The following PLEKHG4B variants were observed in gnomAD, a reference collection of about 807,000 sequenced individuals.
PLEKHG4B encodes pleckstrin homology domain-containing family G member 4B.
In PLEKHG4B, 111 loss-of-function variants were observed where a neutral mutation model predicts 121.3. The observed-to-expected ratio is 0.92, with a 90% CI of 0.78 to 1.07. PLEKHG4B has a LOEUF of 1.07. PLEKHG4B is among the 50% of genes least tolerant of loss of function. PLEKHG4B has a pLI of 0.00. For missense variants in PLEKHG4B, 1,831 were observed against 1,757.8 expected (o/e 1.04, Z -0.74); for synonymous variants, 738 against 725.0 (o/e 1.02, Z -0.29).
intron 2 of PLEKHG4B, among the ~76,000 whole-genome samples, chr5:130,229 A>G (rs912600974): frequency 3.9e-5 from 6 of 152,232 alleles, no homozygotes; most frequent in African/African-American, 1.4e-4. Context: ...ACACAAAACA[A>G]AAGCTATTCT....
intron 18 of PLEKHG4B, chr5:179,463 C>G (rs955124666): frequency 2.0e-5 from 3 of 152,628 alleles, no homozygotes; most frequent in Non-Finnish European, 4.4e-5. Context: ...TACTGAAGGA[C>G]CTGGGTGTTT....
At chr5:164,119 C>T (rs150132524) in intron 13 of PLEKHG4B, among the ~76,000 whole-genome samples, 32 of 152,336 alleles carry the variant, frequency 2.1e-4, no homozygotes, top group African/African-American at 5.1e-4. Context: ...TGGAGAATTT[C>T]GTGAGATGCT....
At chr5:124,283 CAT>C (rs1341545600) in intron 2 of PLEKHG4B, among the ~76,000 whole-genome samples, 2 of 152,150 alleles carry the variant, frequency 1.3e-5, no homozygotes, top group Non-Finnish European at 2.9e-5. Context: ...GAAGTTGTCT[CAT>C]GTGTGCACTT....
In PLEKHG4B at chr5:157,261, G is replaced by A. The variant is rs921023176; in HGVS notation, c.2487+350G>A. Among the ~76,000 whole-genome samples the A allele has an allele frequency of 1.3e-5, 2 of 152,026 alleles. No individual in the cohort carries two copies. Among genetic ancestry groups the A allele is most frequent in the South Asian group, 2.1e-4 (1 of 4,812 alleles). The stretch of plus-strand genomic sequence containing the variant: ...ATGCGTACACAGTGACTGAGAAGCC[G>A]AGGTGAAACCGACACAGGTAGAGAG... On this transcript the variant is annotated intron_variant, in intron 11 of 19. Coordinates refer to ENST00000637938, the MANE Select transcript of PLEKHG4B (RefSeq NM_052909.5). This position sits in a 1 kb window ranked among gnomAD's most constrained non-coding sequence, Gnocchi z 4.6.
At chr5:143,758 T>A (rs1735310954) in intron 5 of PLEKHG4B, among the ~76,000 whole-genome samples, 1 of 152,178 alleles carries the variant, frequency 6.6e-6, no homozygotes, top group East Asian at 1.9e-4. Flanking sequence ...CAGGGCACAC[T>A]CACTCTTTGG....
At chr5:135,674 AAAAAAAAAATATATATATATATATATAT>A (rs1353480816) in intron 2 of PLEKHG4B, among the ~76,000 whole-genome samples, 1 of 66,118 alleles carries the variant, frequency 1.5e-5, no homozygotes, top group Non-Finnish European at 2.8e-5. Flanking sequence ...TCAAAAAAAA[AAAAAAAAAATATATATATATATATATAT>A]ATATATATAT....
intron 2 of PLEKHG4B, among the ~76,000 whole-genome samples, chr5:134,895 G>A (rs778713887): frequency 6.6e-6 from 1 of 151,576 alleles, no homozygotes. Flanking sequence ...CAAAGATTAA[G>A]ATAACAATTT....
At chr5:127,506 A>T (rs1056243925) in intron 2 of PLEKHG4B, among the ~76,000 whole-genome samples, 2 of 151,846 alleles carry the variant, frequency 1.3e-5, no homozygotes, top group African/African-American at 4.8e-5. Flanking sequence ...ACATTTTTTT[A>T]AAATGTCCTA....
At chr5:158,401 T>C (rs112703606) in intron 11 of PLEKHG4B, among the ~76,000 whole-genome samples, 202 of 62,664 alleles carry the variant, frequency 3.2e-3, no homozygotes, top group Middle Eastern at 0.01. Context: ...TCCTCTCCTC[T>C]CTCTGCCCAT....
rs1408145467 is a variant in PLEKHG4B, at chr5:187,672, C to T, written c.*5349C>T. On this transcript the variant is annotated 3_prime_UTR_variant, in exon 20 of 20. Transcript: ENST00000637938. Reference sequence around the variant, plus strand: ...GAGCTCACATCGCCTGGCCTGCCGCCACCACCAGGCTGCCTGACCAGCTCA... The same window carrying T: ...GAGCTCACATCGCCTGGCCTGCCGCTACCACCAGGCTGCCTGACCAGCTCA... 6.6e-6 allele frequency: 1 copy of T among 152,452 alleles called. No homozygotes were observed. Among genetic ancestry groups the T allele is most frequent in the Non-Finnish European group, 1.5e-5 (1 of 68,228 alleles). The allele number at this position is 152,452 out of a possible 1,614,324, so 9.4% of individuals were successfully genotyped here.
chr5:137,786 C>T lies in PLEKHG4B; in HGVS notation c.244-1697C>T, dbSNP rs1735026445. Among the ~76,000 whole-genome samples, 1 of 152,188 alleles carries T rather than the reference C, an allele frequency of 6.6e-6. No homozygotes were observed. Among genetic ancestry groups the T allele is most frequent in the African/African-American group, 2.4e-5 (1 of 41,448 alleles). Reference sequence around the variant, plus strand: ...TGGGCACCAATATGGCTGTGCTGGGCAATAGGATCGGGGACGGACTCTGGG... The same window carrying T: ...TGGGCACCAATATGGCTGTGCTGGGTAATAGGATCGGGGACGGACTCTGGG... On this transcript the variant is annotated intron_variant, in intron 2 of 19. Transcript: ENST00000637938. This position sits in a 1 kb window ranked among gnomAD's most constrained non-coding sequence, Gnocchi z 4.2.
chr5:180,463 C>G (rs1174592455), intron 18 of PLEKHG4B, among the ~76,000 whole-genome samples: 1 of 152,210 alleles, frequency 6.6e-6, no homozygotes, highest in Non-Finnish European at 1.5e-5. Flanking sequence ...AAGATGAGCT[C>G]TCTGCTCATC....
At chr5:117,952 TAAATG>T (rs1048344027) in intron 2 of PLEKHG4B, among the ~76,000 whole-genome samples, 3 of 151,894 alleles carry the variant, frequency 2.0e-5, no homozygotes, top group African/African-American at 7.3e-5. Context: ...TAGAATAAAA[TAAATG>T]AAATCAATCA....
rs545769282 is a variant in PLEKHG4B at position 131,970 on chromosome 5, CTT to C, written c.244-7511_244-7510del. Among the ~76,000 whole-genome samples, 8 of 152,244 alleles carry C rather than the reference CTT, an allele frequency of 5.3e-5. No homozygotes were observed. The East Asian group carries it at 1.5e-3, about 29-fold the overall frequency. On this transcript the variant is annotated intron_variant, in intron 2 of 19. Coordinates refer to ENST00000637938, the MANE Select transcript of PLEKHG4B (RefSeq NM_052909.5). ...AAAAGCATTTGACAAAATTAACACTCTTTCATGATAAAAACAAAATACCCTAG... is the reference window on the plus strand; with the variant it reads ...AAAAGCATTTGACAAAATTAACACTCTCATGATAAAAACAAAATACCCTAG...
intron 1 of PLEKHG4B, among the ~76,000 whole-genome samples, chr5:111,579 A>G (rs2126354641): frequency 6.6e-6 from 1 of 152,360 alleles, no homozygotes; most frequent in South Asian, 2.1e-4. Flanking sequence ...TTTGGGAATC[A>G]GAGAAGTAGG....
intron 2 of PLEKHG4B, among the ~76,000 whole-genome samples, chr5:128,231 A>C (rs945038182): frequency 1.3e-5 from 2 of 152,224 alleles, no homozygotes; most frequent in Admixed American, 6.5e-5. Flanking sequence ...TTCCCCCACC[A>C]AGGACAGCTT....
rs895512303 is a variant in PLEKHG4B at position 186,937 on chromosome 5, GCC to G, written c.*4617_*4618del. On this transcript the variant is annotated 3_prime_UTR_variant, in exon 20 of 20. Transcript: ENST00000637938. The stretch of plus-strand genomic sequence containing the variant: ...CTGGGACCCCCAGGAAGGGTGTGTG[GCC>G]CCACCATCCTGAATGCTCAGGGCTG... The G allele has an allele frequency of 4.6e-5, 7 of 152,412 alleles. No individual in the cohort carries two copies. Among genetic ancestry groups the G allele is most frequent in the Non-Finnish European group, 7.3e-5 (5 of 68,220 alleles). 9.4% of individuals were successfully genotyped at this position (152,412 alleles called of 1,614,324 possible).
intron 2 of PLEKHG4B, among the ~76,000 whole-genome samples, chr5:129,587 G>C (rs1734716380): frequency 6.6e-6 from 1 of 152,192 alleles, no homozygotes; most frequent in East Asian, 1.9e-4. Context: ...GTGTACCCCA[G>C]GTGATGGTCA....
intron 11 of PLEKHG4B, among the ~76,000 whole-genome samples, chr5:160,718 T>G (rs1735970458): frequency 1.3e-5 from 2 of 152,182 alleles, no homozygotes; most frequent in Admixed American, 1.3e-4. Flanking sequence ...ATTAGTGTAT[T>G]TCATCATAGA....
Sources: allele counts gnomAD v4.1 joint callset (sites outside exome capture counted in the v4.1 genomes callset), GRCh38; gene constraint gnomAD v4.1.1; non-coding constraint Gnocchi (gnomAD v3.1); transcripts MANE v1.5; gene names NCBI Gene and HGNC (gene_info 2026-07-23, HGNC 2026-07-21).